The following SEC24D variants were observed in gnomAD, a reference collection of about 807,000 sequenced individuals.
SEC24D encodes the protein SEC24 homolog D, COPII component, also known as protein transport protein Sec24D.
A neutral mutation model predicts 116.9 loss-of-function variants in SEC24D; 69 were observed. That is an observed-to-expected ratio of 0.59 (90% CI 0.49 to 0.72). The LOEUF is 0.72. Ranked by LOEUF, SEC24D falls within the 30% of genes least tolerant of loss-of-function variation. SEC24D has a pLI of 0.00. For missense variants in SEC24D, 1,131 were observed against 1,264.1 expected, an observed-to-expected ratio of 0.89 and a Z score of 1.60; for synonymous variants, 405 against 442.8, an observed-to-expected ratio of 0.91 and a Z score of 1.07.
chr4:118,752,552 CTT>C (rs1382390515), intron 12 of SEC24D, 143 bp downstream of exon 12: 37 of 597,910 alleles, frequency 6.2e-5, no homozygotes, highest in Middle Eastern at 4.1e-4. Flanking sequence ...AAAAGACTGA[CTT>C]AACATAAATG....
Position 118,813,198 on chromosome 4 carries a change from C to T in SEC24D, c.801+1830G>A, listed in dbSNP as rs568456266. On this transcript the variant is annotated intron_variant, in intron 6 of 22. Transcript: ENST00000280551. Reference sequence around the variant, plus strand: ...GAAGAAGACACAAAGAGAAGGAGGACTCAATGTGACCACAGAAGCAGAGAC... The same window carrying T: ...GAAGAAGACACAAAGAGAAGGAGGATTCAATGTGACCACAGAAGCAGAGAC... Among the ~76,000 whole-genome samples, 7 of 152,234 alleles carry T rather than the reference C, an allele frequency of 4.6e-5. No individual in the cohort carries two copies. In the South Asian group the frequency reaches 6.2e-4, roughly 14 times the overall value.
In SEC24D at chr4:118,723,104, A is replaced by G. The variant is rs2110420227; in HGVS notation, c.*411T>C. ...GTTACATGGTTTTAGAAAATTAAGTATAATGTAAAAATTAAGCTTTTTTTT... is the reference window on the plus strand; with the variant it reads ...GTTACATGGTTTTAGAAAATTAAGTGTAATGTAAAAATTAAGCTTTTTTTT... On this transcript the variant is annotated 3_prime_UTR_variant, in exon 23 of 23. Transcript: ENST00000280551. The G allele has an allele frequency of 6.5e-6, 1 of 153,694 alleles. No individual in the cohort carries two copies. Among genetic ancestry groups the G allele is most frequent in the African/African-American group, 2.4e-5 (1 of 41,628 alleles). The allele number at this position is 153,694 out of a possible 1,614,324, so 9.5% of individuals were successfully genotyped here.
chr4:118,775,588 C>T (rs1009445492), intron 8 of SEC24D, among the ~76,000 whole-genome samples: 2 of 151,970 alleles, frequency 1.3e-5, no homozygotes, highest in Non-Finnish European at 2.9e-5. Context: ...TTGAGGAGAG[C>T]CTTCAAAGCC....
chr4:118,815,245 TG>T, intron 5 of SEC24D, 90 bp from the exon 6 acceptor site: 2 of 1,486,238 alleles, frequency 1.3e-6, no homozygotes, highest in Non-Finnish European at 1.8e-6. Flanking sequence ...CAGTCAAGCA[TG>T]TTGTATTTTT....
At chr4:118,777,170 G>A (rs897100454) in intron 8 of SEC24D, among the ~76,000 whole-genome samples, 1 of 151,732 alleles carries the variant, frequency 6.6e-6, no homozygotes, top group Non-Finnish European at 1.5e-5. Context: ...CAACGTGCAG[G>A]TTTGTTACAT....
chr4:118,784,295 AT>A (rs1252264743), intron 8 of SEC24D, among the ~76,000 whole-genome samples: 1 of 152,234 alleles, frequency 6.6e-6, no homozygotes, highest in Non-Finnish European at 1.5e-5. Flanking sequence ...ATAAACTGAA[AT>A]AAGAGGAAAG....
intron 3 of SEC24D, among the ~76,000 whole-genome samples, chr4:118,819,091 C>G (rs989365180): frequency 6.6e-6 from 1 of 152,144 alleles, no homozygotes; most frequent in Non-Finnish European, 1.5e-5. Context: ...AAATATAATT[C>G]TAGTCCTGCA....
chr4:118,753,663 C>A (rs1458187834), intron 11 of SEC24D, among the ~76,000 whole-genome samples: 1 of 151,756 alleles, frequency 6.6e-6, no homozygotes, highest in Non-Finnish European at 1.5e-5. Context: ...ATAGTGAGTA[C>A]CTTCAGAATT....
chr4:118,787,286 A>T (rs13120798), intron 8 of SEC24D, among the ~76,000 whole-genome samples: 40,656 of 152,160 alleles, frequency 0.27, 6,510 homozygotes, highest in East Asian at 0.45. Context: ...TTATGTTGAC[A>T]CTTTAAAAAT....
At chr4:118,806,588 C>T (rs940757334) in intron 6 of SEC24D, among the ~76,000 whole-genome samples, 2 of 151,994 alleles carry the variant, frequency 1.3e-5, no homozygotes, top group Non-Finnish European at 2.9e-5. Flanking sequence ...CTGCCTTGGC[C>T]TCTCAAAGTG....
intron 8 of SEC24D, among the ~76,000 whole-genome samples, chr4:118,792,178 A>AC (rs1464663327): frequency 6.8e-6 from 1 of 147,046 alleles, no homozygotes; most frequent in South Asian, 2.2e-4. Flanking sequence ...CCCCGCCGCC[A>AC]CCCCGTCTGG....
chr4:118,753,726 T>C (rs1358179429), intron 11 of SEC24D, among the ~76,000 whole-genome samples: 1 of 152,106 alleles, frequency 6.6e-6, no homozygotes, highest in African/African-American at 2.4e-5. Flanking sequence ...CAGTCTATTT[T>C]TGTCTCCCCT....
At chr4:118,776,616 C>G (rs1246071779) in intron 8 of SEC24D, among the ~76,000 whole-genome samples, 1 of 152,138 alleles carries the variant, frequency 6.6e-6, no homozygotes, top group Non-Finnish European at 1.5e-5. Context: ...TTGCAAAGAT[C>G]AGCATTATTT....
At chr4:118,773,753 A>C (rs1560673838) in intron 8 of SEC24D, among the ~76,000 whole-genome samples, 1 of 152,238 alleles carries the variant, frequency 6.6e-6, no homozygotes, top group Non-Finnish European at 1.5e-5. Flanking sequence ...CATTTATTAA[A>C]GACATTTCCA....
intron 8 of SEC24D, among the ~76,000 whole-genome samples, chr4:118,769,370 C>T (rs1030495023): frequency 3.3e-5 from 5 of 152,150 alleles, no homozygotes; most frequent in African/African-American, 1.2e-4. Context: ...CGGGAGAAAA[C>T]CACAGAGATA....
intron 6 of SEC24D, 142 bp downstream of exon 6, chr4:118,814,882 TAAGG>T: frequency 1.2e-6 from 1 of 837,970 alleles, no homozygotes; most frequent in South Asian, 1.8e-5. Flanking sequence ...TACATGCATA[TAAGG>T]AAGGAAGCCT....
intron 2 of SEC24D, among the ~76,000 whole-genome samples, chr4:118,829,767 G>A (rs573259792): frequency 1.3e-5 from 2 of 152,036 alleles, no homozygotes; most frequent in African/African-American, 4.8e-5. Flanking sequence ...AGCCGAGATC[G>A]TGCCATTGCA....
chr4:118,732,854 T>G lies in SEC24D; in HGVS notation c.2555A>C (p.Asn852Thr). ...CTCTGGTCTGCTGAGTAGTACACAGTTTTTCAACAAGCAATTCATGTACAC... is the reference window on the plus strand; with the variant it reads ...CTCTGGTCTGCTGAGTAGTACACAGGTTTTCAACAAGCAATTCATGTACAC... Reference protein sequence around the residue: ...LPVYMNCLLKNCVLLSRPEIS... With the variant: ...LPVYMNCLLKTCVLLSRPEIS... The change falls in exon 20 of 23, where the codon AAC (asparagine) becomes ACC (threonine). Residue 852 changes from asparagine to threonine, a missense_variant. By Grantham distance (65) the Asn-to-Thr change is moderately conservative. Transcript: ENST00000280551. The G allele has an allele frequency of 1.2e-6, 2 of 1,614,024 alleles. No homozygotes were observed. Among genetic ancestry groups the G allele is most frequent in the Non-Finnish European group, 1.7e-6 (2 of 1,179,918 alleles).
At chr4:118,834,529 A>G (rs1731008587) in intron 1 of SEC24D, among the ~76,000 whole-genome samples, 1 of 139,182 alleles carries the variant, frequency 7.2e-6, no homozygotes, top group Admixed American at 6.8e-5. Flanking sequence ...TTTGCTTTAA[A>G]TTTTCTATTT....
Sources: gnomAD v4.1 joint callset for allele counts (sites outside exome capture counted in the v4.1 genomes callset) on GRCh38, gnomAD v4.1.1 for gene constraint, MANE v1.5 for transcripts, NCBI Gene and HGNC (gene_info 2026-07-23, HGNC 2026-07-21) for gene names.